Variants in RPS3 observed in about 807,000 individuals in gnomAD.
RPS3 encodes small ribosomal subunit protein uS3.
RPS3 carries 2 observed loss-of-function variants against 25.8 expected under a neutral mutation model. The ratio of observed to expected loss-of-function variants is 0.08; its 90% CI spans 0.03 to 0.24. The LOEUF is 0.24. RPS3 is among the 10% of genes least tolerant of loss of function. The pLI, the probability that RPS3 is intolerant of heterozygous loss-of-function variation, is 1.00. For synonymous variants in RPS3, 114 were observed against 114.2 expected, an observed-to-expected ratio of 1.00 and a Z score of 0.01; for missense variants, 107 against 307.1, an observed-to-expected ratio of 0.35 and a Z score of 4.87.
chr11:75,413,486 G>T (rs1488983362), intron 6 of RPS3, among the ~76,000 whole-genome samples: 1 of 151,776 alleles, frequency 6.6e-6, no homozygotes, highest in Non-Finnish European at 1.5e-5. Flanking sequence ...TCTATCTCCT[G>T]ACCTTGTGAT....
chr11:75,399,618 C>G, intron 1 of RPS3, 41 bp downstream of exon 1: 1 of 1,599,018 alleles, frequency 6.3e-7, no homozygotes, highest in Non-Finnish European at 8.6e-7. Flanking sequence ...GACGGCGCCG[C>G]GCGGGTCGAG....
chr11:75,416,675 C>G (rs1948402403), intron 6 of RPS3, among the ~76,000 whole-genome samples: 1 of 152,064 alleles, frequency 6.6e-6, no homozygotes, highest in Non-Finnish European at 1.5e-5. Flanking sequence ...CCAGGCTGGT[C>G]TTGAACTCCC....
rs72030839 is a variant in RPS3 at position 75,416,458 on chromosome 11, C to CTTTTT, written c.*4-5268_*4-5267insTTTTT. 9.5e-5 allele frequency among the ~76,000 whole-genome samples: 12 copies of CTTTTT among 125,988 alleles called. 1 individual carries two copies. The highest frequency in any genetic ancestry group is 1.5e-4 in the Admixed American group (2 of 12,930). 82.7% of individuals were successfully genotyped at this position (125,988 alleles called of 152,430 possible). A position where few individuals can be genotyped will look rare whatever the true frequency, so the allele number is the denominator to read the frequency against. ...GTTCCATTTTCCATCTTGATTATTT[C>CTTTTT]TATTTTTTTTTTTTTTTTTTGAGAC... On this transcript the variant is annotated intron_variant, in intron 6 of 6. Coordinates refer to the RPS3 transcript ENST00000527446.
intron 4 of RPS3, chr11:75,403,335 TAATG>T (rs2135054757): frequency 6.6e-6 from 1 of 152,330 alleles, no homozygotes; most frequent in African/African-American, 2.4e-5. Context: ...TGAAGCAAGT[TAATG>T]AACCTCTCAG....
intron 6 of RPS3, among the ~76,000 whole-genome samples, chr11:75,412,782 A>AT (rs1184768773): frequency 1.3e-5 from 2 of 152,224 alleles, no homozygotes; most frequent in Middle Eastern, 3.4e-3. Context: ...TTTTTATTTT[A>AT]TTTATTTTTT....
downstream of RPS3, among the ~76,000 whole-genome samples, chr11:75,411,556 A>AT (rs1018631050): frequency 6.6e-6 from 1 of 150,530 alleles, no homozygotes; most frequent in Non-Finnish European, 1.5e-5. Flanking sequence ...TGCCTGGCTA[A>AT]TTTTTTTGTA....
Position 75,415,778 on chromosome 11 carries a change from C to G in RPS3, c.*4-5949C>G, listed in dbSNP as rs936480837. Among the ~76,000 whole-genome samples the G allele has an allele frequency of 3.4e-5, 5 of 149,204 alleles. No individual in the cohort carries two copies. In the Admixed American group the frequency reaches 3.4e-4, roughly 10 times the overall value. On this transcript the variant is annotated intron_variant, in intron 6 of 6. Transcript: ENST00000527446. ...CCGATATCGTGCCACTGCACTCCAGCCTGGGCGGCAAAGCGAGACTCCATC... is the reference window on the plus strand; with the variant it reads ...CCGATATCGTGCCACTGCACTCCAGGCTGGGCGGCAAAGCGAGACTCCATC...
At chr11:75,422,180 C>T (rs1948453220) in exon 7 of RPS3, 1 of 163,176 alleles carries the variant, frequency 6.1e-6, no homozygotes, top group South Asian at 1.8e-4. Context: ...CATGTGAAGA[C>T]TCAGCAAGAA....
downstream of RPS3, among the ~76,000 whole-genome samples, chr11:75,408,319 A>G (rs1228925217): frequency 2.0e-5 from 3 of 152,126 alleles, no homozygotes; most frequent in Admixed American, 6.5e-5. Flanking sequence ...CCTGGACAAC[A>G]TGGTGAAACC....
intron 6 of RPS3, among the ~76,000 whole-genome samples, chr11:75,418,839 C>T (rs191389272): frequency 8.9e-4 from 135 of 152,240 alleles, no homozygotes; most frequent in African/African-American, 3.2e-3. Flanking sequence ...CTTTGTCCAC[C>T]GAGCAGGGAG....
chr11:75,410,873 GCACTCTATTTT>G (rs989125527), downstream of RPS3, among the ~76,000 whole-genome samples: 1 of 152,116 alleles, frequency 6.6e-6, no homozygotes, highest in Non-Finnish European at 1.5e-5. Flanking sequence ...GCAATCGCAG[GCACTCTATTTT>G]TTATTATTTT....
chr11:75,399,792 T>A, intron 1 of RPS3: 1 of 568,362 alleles, frequency 1.8e-6, no homozygotes, highest in South Asian at 2.2e-5. Context: ...CGCAGAGAGA[T>A]GGGCACCAGG....
chr11:75,405,356 T>A (rs998908567), intron 6 of RPS3: 1 of 264,986 alleles, frequency 3.8e-6, no homozygotes, highest in African/African-American at 2.3e-5. Flanking sequence ...TAGGCACTTT[T>A]GCTATTCTGT....
At chr11:75,410,044 C>T (rs1280167648), downstream of RPS3, among the ~76,000 whole-genome samples, 99 of 137,138 alleles carry the variant, frequency 7.2e-4, 1 homozygote, top group East Asian at 0.018. Flanking sequence ...ACCTCCCGGA[C>T]GGGGCGGCTG....
intron 6 of RPS3, 142 bp from the exon 7 acceptor site, chr11:75,405,472 T>TTA (rs1478040653): frequency 1.2e-5 from 4 of 340,460 alleles, no homozygotes; most frequent in East Asian, 7.9e-5. Context: ...TTTTTTTTTT[T>TTA]ATATGAAAAA....
rs1307621660 is a variant in RPS3, at chr11:75,405,834, ATAT to A, written c.*226_*228del. 3.7e-5 allele frequency: 10 copies of A among 271,442 alleles called. No individual in the cohort carries two copies. The East Asian group carries it at 3.8e-4, about 10-fold the overall frequency. The allele number at this position is 271,442 out of a possible 1,614,324, so 16.8% of individuals were successfully genotyped here. The stretch of plus-strand genomic sequence containing the variant: ...CCAAGCAGAGCCAACCAGAGAAATA[ATAT>A]TTGTGTGATAGAGAAGGCTGATAGC... On this transcript the variant is annotated 3_prime_UTR_variant, in exon 7 of 7. Coordinates refer to ENST00000531188, the MANE Select transcript of RPS3 (RefSeq NM_001005.5).
Position 75,421,184 on chromosome 11 carries a change from G to A in RPS3, c.*4-543G>A, listed in dbSNP as rs77439351. Among the ~76,000 whole-genome samples the A allele has an allele frequency of 7.1e-3, 1,074 of 152,274 alleles. 12 individuals carry two copies. Among genetic ancestry groups the A allele is most frequent in the African/African-American group, 0.024 (996 of 41,552 alleles). On this transcript the variant is annotated intron_variant, in intron 6 of 6. Coordinates refer to the RPS3 transcript ENST00000527446. ...ACAGGCTCCCTAATCTGGGATAATC[G>A]GCGGGTCGGAGCTCAGCTGGGACCC...
chr11:75,399,543 G>A lies in RPS3; in HGVS notation c.-5G>A, dbSNP rs765762609. 30 of 1,613,788 alleles carry A rather than the reference G, an allele frequency of 1.9e-5. No individual in the cohort carries two copies. The highest frequency in any genetic ancestry group is 2.3e-5 in the Non-Finnish European group (27 of 1,179,918). ...CCTTTCCTTTCAGCGGAGCGCGGCG[G>A]CAAGATGGCAGTGCAAATATCCAAG... On this transcript the variant is annotated 5_prime_UTR_variant, in exon 1 of 7. Coordinates refer to ENST00000531188, the MANE Select transcript of RPS3 (RefSeq NM_001005.5).
downstream of RPS3, among the ~76,000 whole-genome samples, chr11:75,408,423 A>G (rs183965300): frequency 1.3e-5 from 2 of 152,260 alleles, no homozygotes; most frequent in East Asian, 3.9e-4. Flanking sequence ...GCAGTGAGCC[A>G]TAATTGTGCC....
Sources: allele counts gnomAD v4.1 joint callset (sites outside exome capture counted in the v4.1 genomes callset), GRCh38; gene constraint gnomAD v4.1.1; transcripts MANE v1.5; gene names NCBI Gene and HGNC (gene_info 2026-07-23, HGNC 2026-07-21).